The following MAGI2 variants were observed in gnomAD, a reference collection of about 807,000 sequenced individuals.
The protein encoded by MAGI2 is membrane associated guanylate kinase, WW and PDZ domain containing 2, also known as membrane-associated guanylate kinase, WW and PDZ domain-containing protein 2.
MAGI2 carries 35 observed loss-of-function variants against 133.3 expected under a neutral mutation model. The ratio of observed to expected loss-of-function variants is 0.26; its 90% CI spans 0.20 to 0.35. MAGI2 has a LOEUF of 0.35. MAGI2 is among the 10% of genes least tolerant of loss of function. MAGI2 has a pLI of 1.00. For synonymous variants in MAGI2, 729 were observed against 710.6 expected, an observed-to-expected ratio of 1.03 and a Z score of -0.41; for missense variants, 1,636 against 1,863.4, an observed-to-expected ratio of 0.88 and a Z score of 2.25.
At chr7:79,220,117 T>C (rs983458702) in intron 1 of MAGI2, among the ~76,000 whole-genome samples, 2 of 152,030 alleles carry the variant, frequency 1.3e-5, no homozygotes, top group African/African-American at 4.8e-5. Flanking sequence ...GGCACTCCCC[T>C]GAAGCCAAAG....
intron 13 of MAGI2, among the ~76,000 whole-genome samples, chr7:78,178,846 C>G (rs1826922587): frequency 6.6e-6 from 1 of 151,938 alleles, no homozygotes; most frequent in African/African-American, 2.4e-5. Context: ...TGAGAGTACT[C>G]AAAATAAATA....
chr7:78,914,381 A>G (rs1798629435), intron 2 of MAGI2, among the ~76,000 whole-genome samples: 1 of 152,208 alleles, frequency 6.6e-6, no homozygotes, highest in Non-Finnish European at 1.5e-5. Context: ...AATTAATTAG[A>G]CTTACTTTGG....
chr7:78,855,589 T>G (rs528301979), intron 2 of MAGI2, among the ~76,000 whole-genome samples: 35 of 152,318 alleles, frequency 2.3e-4, no homozygotes, highest in African/African-American at 8.4e-4. Flanking sequence ...TGAACTCATC[T>G]GTTTTTATGG....
chr7:78,958,737 C>T (rs887062760), intron 2 of MAGI2, among the ~76,000 whole-genome samples: 1 of 151,944 alleles, frequency 6.6e-6, no homozygotes, highest in Non-Finnish European at 1.5e-5. Flanking sequence ...ACCTGGAGGC[C>T]CTAGTGTACC....
At chr7:78,665,670 C>G (rs944436325) in intron 2 of MAGI2, among the ~76,000 whole-genome samples, 6 of 151,784 alleles carry the variant, frequency 4.0e-5, no homozygotes, top group Admixed American at 6.6e-5. Flanking sequence ...ATTAGAGTAG[C>G]CTTAGAATAG....
chr7:79,042,612 A>T (rs893927630), intron 1 of MAGI2, among the ~76,000 whole-genome samples: 1 of 152,166 alleles, frequency 6.6e-6, no homozygotes, highest in Non-Finnish European at 1.5e-5. Context: ...GAGACTTACA[A>T]AGACTTTGAT....
chr7:78,401,177 C>A (rs527756449), intron 6 of MAGI2, among the ~76,000 whole-genome samples: 6 of 133,932 alleles, frequency 4.5e-5, no homozygotes, highest in Middle Eastern at 3.6e-3. Context: ...CTGAAAACAC[C>A]ACCAACAACC....
At chr7:78,455,246 T>A (rs967827105) in intron 6 of MAGI2, among the ~76,000 whole-genome samples, 1 of 152,164 alleles carries the variant, frequency 6.6e-6, no homozygotes, top group Admixed American at 6.5e-5. Context: ...TATAAAACAG[T>A]CTATGAATTA....
chr7:78,685,194 C>G (rs1001104251), intron 2 of MAGI2, among the ~76,000 whole-genome samples: 46 of 152,104 alleles, frequency 3.0e-4, no homozygotes, highest in African/African-American at 8.9e-4. Flanking sequence ...ATTGTAAAAG[C>G]TTTTCTAATG....
chr7:78,049,661 G>T (rs564804681), intron 21 of MAGI2, among the ~76,000 whole-genome samples: 4 of 152,086 alleles, frequency 2.6e-5, no homozygotes, highest in African/African-American at 9.7e-5. Context: ...TTCTAGTTGT[G>T]TATGTGGGTG....
At chr7:78,629,542 C>T (rs1037314313) in intron 2 of MAGI2, among the ~76,000 whole-genome samples, 4 of 152,136 alleles carry the variant, frequency 2.6e-5, no homozygotes, top group African/African-American at 4.8e-5. Flanking sequence ...TCCTTTAGTT[C>T]ACCTTCATGA....
intron 2 of MAGI2, among the ~76,000 whole-genome samples, chr7:78,673,002 T>G (rs117375609): frequency 6.6e-6 from 1 of 152,320 alleles, no homozygotes; most frequent in South Asian, 2.1e-4. Context: ...TCTGAAGTAT[T>G]AGATCACTAA....
intron 13 of MAGI2, chr7:78,184,558 C>T (rs779438128): frequency 3.3e-5 from 5 of 152,106 alleles, no homozygotes; most frequent in Admixed American, 6.6e-5. Context: ...AATAGTGCTA[C>T]TATTATAAAA....
intron 2 of MAGI2, among the ~76,000 whole-genome samples, chr7:78,988,859 C>T (rs984487209): frequency 1.1e-4 from 16 of 151,832 alleles, no homozygotes; most frequent in South Asian, 6.2e-4. Flanking sequence ...GATACGTTAG[C>T]GCTAGGAGGA....
intron 13 of MAGI2, among the ~76,000 whole-genome samples, chr7:78,182,412 G>A (rs1434173280): frequency 6.6e-6 from 1 of 152,196 alleles, no homozygotes; most frequent in African/African-American, 2.4e-5. Context: ...CTGTGGGTAT[G>A]TGAATGTGAC....
At chr7:78,530,594 A>G (rs960008425) in intron 3 of MAGI2, among the ~76,000 whole-genome samples, 1 of 152,126 alleles carries the variant, frequency 6.6e-6, no homozygotes, top group African/African-American at 2.4e-5. Flanking sequence ...GACAATACTC[A>G]TAGTTATCCT....
intron 1 of MAGI2, among the ~76,000 whole-genome samples, chr7:79,312,740 T>C (rs1034551258): frequency 6.6e-6 from 1 of 152,182 alleles, no homozygotes; most frequent in Admixed American, 6.5e-5. Flanking sequence ...TCTTGAAAGA[T>C]GGATGAATGG....
At chr7:79,017,745 C>G (rs1006479475) in intron 1 of MAGI2, among the ~76,000 whole-genome samples, 2 of 152,138 alleles carry the variant, frequency 1.3e-5, no homozygotes, top group Non-Finnish European at 2.9e-5. Context: ...ACAAACTGAT[C>G]TGATAGAGCT....
At chr7:79,040,578 C>T (rs1361383396) in intron 1 of MAGI2, among the ~76,000 whole-genome samples, 1 of 152,038 alleles carries the variant, frequency 6.6e-6, no homozygotes, top group Middle Eastern at 3.2e-3. Flanking sequence ...CAAGTCTCAC[C>T]TTGAATTGTA....
Sources: gnomAD v4.1 joint callset for allele counts (sites outside exome capture counted in the v4.1 genomes callset) on GRCh38, gnomAD v4.1.1 for gene constraint, MANE v1.5 for transcripts, NCBI Gene and HGNC (gene_info 2026-07-23, HGNC 2026-07-21) for gene names.